NUCB2: variants seen among roughly 807,000 people sequenced by gnomAD.
The protein encoded by NUCB2 is nucleobindin-2.
Under a neutral mutation model 57.9 loss-of-function variants are expected in NUCB2, and 48 were observed. The ratio of observed to expected loss-of-function variants is 0.83; its 90% CI spans 0.66 to 1.05. The LOEUF (loss-of-function observed/expected upper bound fraction) is 1.05, where lower values mean the gene tolerates loss of function less well. Among genes scored for constraint, NUCB2 ranks in the 50% least tolerant of loss-of-function variants. The pLI, the probability that NUCB2 is intolerant of heterozygous loss-of-function variation, is 0.00. For missense variants in NUCB2, 442 were observed against 476.2 expected (o/e 0.93, Z 0.67); for synonymous variants, 139 against 152.1 (o/e 0.91, Z 0.64).
At chr11:17,293,224 A>G (rs1041176043) in intron 2 of NUCB2, among the ~76,000 whole-genome samples, 10 of 148,328 alleles carry the variant, frequency 6.7e-5, no homozygotes, top group Non-Finnish European at 1.2e-4. Flanking sequence ...ATTGCACTCT[A>G]GCCTGGGCGA....
At chr11:17,305,044 C>G (rs1473516187) in intron 5 of NUCB2, among the ~76,000 whole-genome samples, 2 of 152,184 alleles carry the variant, frequency 1.3e-5, no homozygotes, top group Non-Finnish European at 2.9e-5. Context: ...CACGAGTAGG[C>G]CAGGCATGGT....
chr11:17,285,964 CACAA>C (rs1200771383), intron 2 of NUCB2, among the ~76,000 whole-genome samples: 4 of 150,602 alleles, frequency 2.7e-5, no homozygotes, highest in African/African-American at 9.9e-5. Flanking sequence ...CACACACACA[CACAA>C]AGCAAACTTA....
chr11:17,280,302 G>A (rs1224327129), intron 1 of NUCB2, among the ~76,000 whole-genome samples: 1 of 152,208 alleles, frequency 6.6e-6, no homozygotes. Context: ...TTCTACAGAT[G>A]TAGACAACAG....
rs371157223 is a variant in NUCB2, at chr11:17,295,372, T to C, written c.49T>C (p.Cys17Arg). The C allele has an allele frequency of 2.9e-5, 47 of 1,612,814 alleles. No individual in the cohort carries two copies. The African/African-American group carries it at 5.6e-4, about 19-fold the overall frequency. Residue 17 changes from cysteine (C) to arginine (R), a missense_variant, in exon 3 of 14, where the codon TGT (cysteine) becomes CGT (arginine). Cys to Arg is a radical substitution (Grantham distance 180). Coordinates refer to ENST00000529010, the MANE Select transcript of NUCB2 (RefSeq NM_005013.4). ...LLQYCFLLIT[C>R]LLTALEAVPI... ...ACAGTATTGCTTTCTCTTGATTACA[T>C]GTTTACTTACTGCTCTTGAAGCTGT...
chr11:17,336,227 G>A (rs1478138133), downstream of NUCB2, among the ~76,000 whole-genome samples: 1 of 152,042 alleles, frequency 6.6e-6, no homozygotes, highest in Non-Finnish European at 1.5e-5. Context: ...ACAGGTGTGA[G>A]CCACCACGCC....
chr11:17,310,687 A>G (rs543518123), intron 6 of NUCB2, 138 bp from the exon 7 acceptor site: 2 of 552,290 alleles, frequency 3.6e-6, no homozygotes, highest in Non-Finnish European at 6.3e-6. Context: ...AAATGGTAGA[A>G]TTTAAAAAGA....
At chr11:17,277,747 A>C (rs1941629701) in intron 1 of NUCB2, among the ~76,000 whole-genome samples, 1 of 152,208 alleles carries the variant, frequency 6.6e-6, no homozygotes, top group Non-Finnish European at 1.5e-5. Flanking sequence ...GGTTAAATGC[A>C]AATATTTCTG....
At chr11:17,300,157 T>C (rs917914872) in intron 4 of NUCB2, among the ~76,000 whole-genome samples, 8 of 152,002 alleles carry the variant, frequency 5.3e-5, no homozygotes, top group Admixed American at 2.0e-4. Flanking sequence ...ACTGCAGGCA[T>C]GTGCCACCAC....
chr11:17,313,669 G>C (rs944790685), intron 10 of NUCB2, among the ~76,000 whole-genome samples: 1 of 151,650 alleles, frequency 6.6e-6, no homozygotes, highest in Non-Finnish European at 1.5e-5. Context: ...TTTCCTTTTC[G>C]CCTTAATCTG....
intron 2 of NUCB2, among the ~76,000 whole-genome samples, chr11:17,340,785 G>A (rs1272490749): frequency 1.3e-5 from 2 of 152,154 alleles, no homozygotes; most frequent in African/African-American, 4.8e-5. Flanking sequence ...TTTTGGCTTA[G>A]GATTGACTTG....
At chr11:17,349,771 G>A (rs1187410289) in exon 3 of NUCB2, 1 of 152,186 alleles carries the variant, frequency 6.6e-6, no homozygotes, top group South Asian at 2.1e-4. Context: ...ATGTCTTTGA[G>A]TGAATGTCCC....
At chr11:17,284,585 TTA>T (rs1411400994) in intron 2 of NUCB2, among the ~76,000 whole-genome samples, 12 of 152,230 alleles carry the variant, frequency 7.9e-5, no homozygotes, top group Admixed American at 7.9e-4. Context: ...TTTGGTTGTA[TTA>T]GATAGGCACA....
intron 4 of NUCB2, among the ~76,000 whole-genome samples, chr11:17,296,852 A>G (rs1945898579): frequency 1.3e-5 from 2 of 152,210 alleles, no homozygotes; most frequent in African/African-American, 4.8e-5. Flanking sequence ...ATCTGAGGAC[A>G]GTAGGAAGTT....
chr11:17,332,098 A>C lies in NUCB2; in HGVS notation c.*679A>C, dbSNP rs1221268957. 1 of 152,204 alleles carries C rather than the reference A, an allele frequency of 6.6e-6. No individual in the cohort carries two copies. The highest frequency in any genetic ancestry group is 2.4e-5 in the African/African-American group (1 of 41,452). 9.4% of individuals were successfully genotyped at this position (152,204 alleles called of 1,614,324 possible). ...ACTAAATAGGAGTTTTTCTTCTTAC[A>C]TAAGTCTAGAAGTAGGTGGTGTCCA... On this transcript the variant is annotated 3_prime_UTR_variant, in exon 14 of 14. Transcript: ENST00000529010.
intron 5 of NUCB2, among the ~76,000 whole-genome samples, chr11:17,308,741 G>A (rs1312388342): frequency 1.3e-5 from 2 of 151,920 alleles, no homozygotes; most frequent in South Asian, 2.1e-4. Flanking sequence ...TTTTTTAAAC[G>A]TTAAAAAAAT....
intron 2 of NUCB2, among the ~76,000 whole-genome samples, chr11:17,292,880 A>G (rs1406464535): frequency 6.6e-6 from 1 of 152,238 alleles, no homozygotes; most frequent in African/African-American, 2.4e-5. Context: ...ATGGGGATCA[A>G]TTAAATCTTT....
At chr11:17,304,246 A>AGTGG (rs1401130656) in intron 5 of NUCB2, among the ~76,000 whole-genome samples, 2 of 151,484 alleles carry the variant, frequency 1.3e-5, no homozygotes, top group East Asian at 3.9e-4. Flanking sequence ...ATGCTAGAGC[A>AGTGG]TGCAGTGGTG....
chr11:17,328,783 G>A (rs1951014295), intron 11 of NUCB2, among the ~76,000 whole-genome samples: 1 of 152,188 alleles, frequency 6.6e-6, no homozygotes, highest in African/African-American at 2.4e-5. Flanking sequence ...AAGACTGCTT[G>A]TTGGTCTACC....
In NUCB2 at chr11:17,310,937, A is replaced by T; in HGVS notation, c.596A>T (p.Lys199Met). 6.3e-7 allele frequency: 1 copy of T among 1,592,888 alleles called. No individual in the cohort carries two copies. The highest frequency in any genetic ancestry group is 8.5e-7 in the Non-Finnish European group (1 of 1,173,182). The change falls in exon 7 of 14, where the codon AAG becomes ATG. Residue 199 changes from lysine (K) to methionine (M), a missense_variant. Physicochemically the swap from Lys to Met is moderately conservative, Grantham distance 95. Transcript: ENST00000529010. The stretch of plus-strand genomic sequence containing the variant: ...TATTTAAAAACATTGAATGAAGAAA[A>T]GAGAAAAGAAGAAGAGTCTAAATTT... ...REYLKTLNEE[K>M]RKEEESKFEE...
Sources: gnomAD v4.1 joint callset for allele counts (sites outside exome capture counted in the v4.1 genomes callset) on GRCh38, gnomAD v4.1.1 for gene constraint, MANE v1.5 for transcripts, NCBI Gene and HGNC (gene_info 2026-07-23, HGNC 2026-07-21) for gene names.